GOLGA1: variants seen among roughly 807,000 people sequenced by gnomAD.
GOLGA1 encodes the protein golgin A1.
Under a neutral mutation model 119.7 loss-of-function variants are expected in GOLGA1, and 63 were observed. That is an observed-to-expected ratio of 0.53 (90% CI 0.43 to 0.65). The LOEUF is 0.65. Among genes scored for constraint, GOLGA1 ranks in the 30% least tolerant of loss-of-function variants. The pLI is 0.00. For missense variants in GOLGA1, 798 were observed against 912.8 expected, an observed-to-expected ratio of 0.87 and a Z score of 1.62; for synonymous variants, 318 against 333.4, an observed-to-expected ratio of 0.95 and a Z score of 0.50.
intron 17 of GOLGA1, 45 bp downstream of exon 17, chr9:124,889,389 G>A: frequency 6.3e-7 from 1 of 1,591,374 alleles, no homozygotes; most frequent in Non-Finnish European, 8.6e-7. Flanking sequence ...GCAGGATGCT[G>A]GGCCTGAAAA....
rs1829906166 is a variant in GOLGA1, at chr9:124,893,730, C to G, written c.1408-3252G>C. On this transcript the variant is annotated intron_variant, in intron 15 of 22. Coordinates refer to ENST00000373555, the MANE Select transcript of GOLGA1 (RefSeq NM_002077.4). The stretch of plus-strand genomic sequence containing the variant: ...AATTTAAACTCCAAATTTTATTCCC[C>G]TAACTCTGAGAAACTATGAAAAACT... Among the ~76,000 whole-genome samples the G allele has an allele frequency of 3.9e-5, 6 of 152,292 alleles. No individual in the cohort carries two copies. In the South Asian group the frequency reaches 1.2e-3, roughly 32 times the overall value.
At chr9:124,898,059 G>A (rs1830017378) in intron 15 of GOLGA1, among the ~76,000 whole-genome samples, 1 of 152,208 alleles carries the variant, frequency 6.6e-6, no homozygotes, top group Non-Finnish European at 1.5e-5. Flanking sequence ...GTTTGCAGAA[G>A]AGAAAGTTTA....
chr9:124,928,911 C>G (rs1200712044), intron 5 of GOLGA1, among the ~76,000 whole-genome samples: 1 of 152,040 alleles, frequency 6.6e-6, no homozygotes, highest in African/African-American at 2.4e-5. Flanking sequence ...CTAATCCAGA[C>G]CTAAGGGATG....
rs1322723474 is a variant in GOLGA1 at position 124,921,114 on chromosome 9, T to A, written c.843+15A>T. The stretch of plus-strand genomic sequence containing the variant: ...AATCTTAGAAATCCAGGTCTTCTCC[T>A]CATATTCTACTTACCTTTTGCAAAT... On this transcript the variant is annotated intron_variant, in intron 10 of 22. Coordinates refer to ENST00000373555, the MANE Select transcript of GOLGA1 (RefSeq NM_002077.4). 7.0e-7 allele frequency: 1 copy of A among 1,433,226 alleles called. No individual in the cohort carries two copies. The highest frequency in any genetic ancestry group is 1.7e-5 in the Admixed American group (1 of 59,296). 88.8% of individuals were successfully genotyped at this position (1,433,226 alleles called of 1,614,324 possible). A position where few individuals can be genotyped will look rare whatever the true frequency, so the allele number is the denominator to read the frequency against.
chr9:124,900,606 T>C (rs1830084255), intron 12 of GOLGA1, 59 bp from the exon 13 acceptor site: 3 of 803,428 alleles, frequency 3.7e-6, no homozygotes, highest in Non-Finnish European at 6.3e-6. Context: ...TGGTAACAAA[T>C]GGCTTTAAAA....
At chr9:124,907,572 C>G (rs573851900) in intron 12 of GOLGA1, among the ~76,000 whole-genome samples, 2 of 152,158 alleles carry the variant, frequency 1.3e-5, no homozygotes, top group Admixed American at 1.3e-4. Flanking sequence ...GCATTAGGAA[C>G]AAGAATATAC....
intron 2 of GOLGA1, 59 bp from the exon 3 acceptor site, chr9:124,938,925 G>C: frequency 2.2e-6 from 1 of 455,108 alleles, no homozygotes; most frequent in Non-Finnish European, 3.8e-6. Flanking sequence ...TTTCGCATCT[G>C]AGTTGTTAAG....
At chr9:124,927,420 A>G (rs1229044679) in intron 6 of GOLGA1, among the ~76,000 whole-genome samples, 1 of 152,168 alleles carries the variant, frequency 6.6e-6, no homozygotes, top group South Asian at 2.1e-4. Context: ...GTATTGGTAA[A>G]TTGTATTTTT....
intron 22 of GOLGA1, among the ~76,000 whole-genome samples, 168 bp from the exon 23 acceptor site, chr9:124,880,778 G>A (rs769212430): frequency 6.6e-6 from 1 of 152,150 alleles, no homozygotes; most frequent in Admixed American, 6.5e-5. Flanking sequence ...CTGCAGGCCC[G>A]TGCTCAGTAC....
chr9:124,929,997 T>G (rs1830744420), intron 4 of GOLGA1, among the ~76,000 whole-genome samples: 1 of 152,162 alleles, frequency 6.6e-6, no homozygotes, highest in African/African-American at 2.4e-5. Context: ...ATGATATTAA[T>G]TGTACCTACC....
intron 16 of GOLGA1, 136 bp from the exon 17 acceptor site, chr9:124,889,672 C>A: frequency 1.4e-6 from 1 of 710,908 alleles, no homozygotes. Flanking sequence ...AAACCCCCAG[C>A]TAAGCTCTGC....
chr9:124,931,866 A>G (rs1367687582), intron 3 of GOLGA1, among the ~76,000 whole-genome samples: 1 of 152,138 alleles, frequency 6.6e-6, no homozygotes, highest in Non-Finnish European at 1.5e-5. Context: ...TCAATCTAAA[A>G]CTCTAACTTG....
At chr9:124,902,427 T>G (rs1830128956) in intron 12 of GOLGA1, among the ~76,000 whole-genome samples, 1 of 151,634 alleles carries the variant, frequency 6.6e-6, no homozygotes, top group African/African-American at 2.4e-5. Context: ...GCTTTATTAT[T>G]AAACATAAGC....
At chr9:124,919,285 A>G (rs1021228069) in intron 10 of GOLGA1, among the ~76,000 whole-genome samples, 1 of 152,128 alleles carries the variant, frequency 6.6e-6, no homozygotes, top group African/African-American at 2.4e-5. Context: ...AAGAAAAAAG[A>G]AAAACCTAGT....
rs1169638495 is a variant in GOLGA1 at position 124,881,790 on chromosome 9, T to C, written c.2130A>G (p.Glu710=). 1.9e-6 allele frequency: 3 copies of C among 1,608,602 alleles called. No homozygotes were observed. Among genetic ancestry groups the C allele is most frequent in the South Asian group, 2.2e-5 (2 of 90,332 alleles). Residue 710 remains glutamate (E), a synonymous_variant, in exon 21 of 23, where the codon GAA becomes GAG. Transcript: ENST00000373555. The surrounding 1 kb of genome is among the most constrained non-coding windows in gnomAD (Gnocchi z 4.9). The stretch of plus-strand genomic sequence containing the variant: ...CACCTCAAAAGCCCTTTACCTCGGA[T>C]TCGCGACAAGACATGAATTTTAAAA... ...HVVLKFMSCR[E]SEAFHLIKAV... is the part of the protein sequence containing the mutation.
rs1829499501 is a variant in GOLGA1 at position 124,878,626 on chromosome 9, T to A, written c.*1904A>T. ...TTCAACATGCAGGAGGAAAGCCTAG[T>A]CAGTGAAGCCTCCCTAAAGTGAGTA... is the stretch of plus-strand genomic sequence containing the variant. On this transcript the variant is annotated 3_prime_UTR_variant, in exon 23 of 23. Coordinates refer to ENST00000373555, the MANE Select transcript of GOLGA1 (RefSeq NM_002077.4). 1 of 152,350 alleles carries A rather than the reference T, an allele frequency of 6.6e-6. No homozygotes were observed. The highest frequency in any genetic ancestry group is 2.1e-4 in the South Asian group (1 of 4,828). The allele number at this position is 152,350 out of a possible 1,614,324, so 9.4% of individuals were successfully genotyped here.
At chr9:124,883,311 G>GT (rs1490542794) in intron 19 of GOLGA1, among the ~76,000 whole-genome samples, 1 of 149,514 alleles carries the variant, frequency 6.7e-6, no homozygotes, top group African/African-American at 2.5e-5. Context: ...TTAAGATGGA[G>GT]TTTCACTCTT....
At chr9:124,899,532 G>A in intron 13 of GOLGA1, 54 bp from the exon 14 acceptor site, 6 of 1,500,156 alleles carry the variant, frequency 4.0e-6, no homozygotes, top group Non-Finnish European at 5.4e-6. Flanking sequence ...TCCAGTGGGG[G>A]ATCTTAGTCT....
upstream of GOLGA1, chr9:124,945,713 T>C (rs1831135395): frequency 6.6e-6 from 1 of 152,234 alleles, no homozygotes; most frequent in Non-Finnish European, 1.5e-5. Flanking sequence ...CCTGACACCC[T>C]TCCCGTCAAT....
Sources: allele counts gnomAD v4.1 joint callset (sites outside exome capture counted in the v4.1 genomes callset), GRCh38; gene constraint gnomAD v4.1.1; non-coding constraint Gnocchi (gnomAD v3.1); transcripts MANE v1.5; gene names NCBI Gene and HGNC (gene_info 2026-07-23, HGNC 2026-07-21).